CDA: variants seen among roughly 807,000 people sequenced by gnomAD.
CDA encodes cytidine aminohydrolase.
A neutral mutation model predicts 15.0 loss-of-function variants in CDA; 7 were observed. The observed-to-expected ratio is 0.47, with a 90% CI of 0.26 to 0.87. The LOEUF is 0.87. Among genes scored for constraint, CDA ranks in the 40% least tolerant of loss-of-function variants. The probability of loss-of-function intolerance (pLI) is 0.15; values close to 1 mark genes in which losing one functional copy is unlikely to be tolerated. For synonymous variants in CDA, 58 were observed against 73.0 expected (o/e 0.79, Z 1.05); for missense variants, 159 against 182.7 (o/e 0.87, Z 0.75).
At chr1:20,594,090 C>A (rs797018840) in intron 1 of CDA, among the ~76,000 whole-genome samples, 3 of 152,276 alleles carry the variant, frequency 2.0e-5, no homozygotes, top group African/African-American at 7.2e-5. Context: ...ACAGGTCTGC[C>A]CAGGTCTGTG....
intron 1 of CDA, among the ~76,000 whole-genome samples, chr1:20,591,844 T>G (rs12092374): frequency 0.075 from 10,310 of 136,850 alleles, 475 homozygotes; most frequent in East Asian, 0.22. Context: ...TATGGGTTTT[T>G]TTTTGTTTTT....
chr1:20,594,538 G>A (rs985230882), intron 1 of CDA, among the ~76,000 whole-genome samples: 2 of 146,460 alleles, frequency 1.4e-5, no homozygotes, highest in Admixed American at 6.6e-5. Context: ...CTGTAATCCC[G>A]GTGCTTTTGG....
chr1:20,608,300 G>T (rs1384427016), intron 2 of CDA, among the ~76,000 whole-genome samples: 1 of 152,028 alleles, frequency 6.6e-6, no homozygotes, highest in African/African-American at 2.4e-5. Context: ...TCTCATCTGT[G>T]AAATGGAGGA....
At chr1:20,598,229 G>A (rs540070238) in intron 1 of CDA, among the ~76,000 whole-genome samples, 5 of 152,280 alleles carry the variant, frequency 3.3e-5, no homozygotes, top group South Asian at 2.1e-4. Context: ...GGCTCTGCCC[G>A]GTGAGTGGAT....
chr1:20,613,765 T>A (rs488991), intron 2 of CDA, 77 bp from the exon 3 acceptor site: 1,339,025 of 1,345,614 alleles, frequency 1, 666,455 homozygotes, highest in East Asian at 1. Flanking sequence ...ACAGACCGAG[T>A]CTCAGGGCCT....
chr1:20,613,326 C>T (rs1478987647), intron 2 of CDA, among the ~76,000 whole-genome samples: 1 of 152,036 alleles, frequency 6.6e-6, no homozygotes, highest in Non-Finnish European at 1.5e-5. Flanking sequence ...GCCTCAGCCT[C>T]CTGAGTAGCT....
intron 1 of CDA, among the ~76,000 whole-genome samples, chr1:20,590,978 G>A (rs2052543623): frequency 6.6e-6 from 1 of 152,186 alleles, no homozygotes; most frequent in African/African-American, 2.4e-5. Flanking sequence ...CAGGAGGTCA[G>A]ACAGCCTCAT....
intron 1 of CDA, among the ~76,000 whole-genome samples, chr1:20,602,076 A>AT (rs1248466684): frequency 6.8e-6 from 1 of 147,978 alleles, no homozygotes; most frequent in Non-Finnish European, 1.5e-5. Context: ...AGCTATGATC[A>AT]TGCCACTGCA....
At chr1:20,613,817 T>C in intron 2 of CDA, 25 bp from the exon 3 acceptor site, 1 of 1,610,880 alleles carries the variant, frequency 6.2e-7, no homozygotes, top group Middle Eastern at 1.7e-4. Context: ...GAGACTAATT[T>C]GAGTTTGATT....
intron 1 of CDA, among the ~76,000 whole-genome samples, chr1:20,595,565 G>A (rs1024879444): frequency 6.6e-5 from 10 of 152,196 alleles, no homozygotes; most frequent in Admixed American, 2.6e-4. Flanking sequence ...ATCACGCCCC[G>A]TTTCCCGCTG....
intron 1 of CDA, among the ~76,000 whole-genome samples, chr1:20,600,264 T>C (rs1044288172): frequency 7.2e-5 from 11 of 152,156 alleles, no homozygotes; most frequent in Non-Finnish European, 7.3e-5. Flanking sequence ...CATGCATCAC[T>C]TTTGATGGGA....
At chr1:20,603,525 G>GAA (rs1204043684) in intron 1 of CDA, among the ~76,000 whole-genome samples, 3 of 152,194 alleles carry the variant, frequency 2.0e-5, no homozygotes, top group African/African-American at 7.2e-5. Context: ...GTATGATCCA[G>GAA]AAATTTCCCA....
intron 2 of CDA, among the ~76,000 whole-genome samples, chr1:20,605,368 G>T (rs1489708045): frequency 6.6e-6 from 1 of 152,028 alleles, no homozygotes; most frequent in Non-Finnish European, 1.5e-5. Context: ...CATAAAGCGG[G>T]GGGAACCTGA....
intron 3 of CDA, among the ~76,000 whole-genome samples, chr1:20,617,031 T>A (rs1472576828): frequency 6.6e-6 from 1 of 152,156 alleles, no homozygotes; most frequent in African/African-American, 2.4e-5. Context: ...CATCTCTGCA[T>A]CTCAGAATAC....
chr1:20,589,328 G>A (rs747303908), intron 1 of CDA, 45 bp downstream of exon 1: 25 of 1,592,416 alleles, frequency 1.6e-5, no homozygotes, highest in Non-Finnish European at 1.7e-5. Flanking sequence ...CAGCCTGGGT[G>A]GTGGGTCAGA....
At chr1:20,590,768 C>G (rs770459270) in intron 1 of CDA, among the ~76,000 whole-genome samples, 53 of 152,186 alleles carry the variant, frequency 3.5e-4, no homozygotes, top group South Asian at 1.2e-3. Context: ...AACAGGCACT[C>G]AATAACTGTT....
At chr1:20,605,848 A>G (rs2052690977) in intron 2 of CDA, among the ~76,000 whole-genome samples, 1 of 124,388 alleles carries the variant, frequency 8.0e-6, no homozygotes, top group South Asian at 3.1e-4. Context: ...ACAAAAAAGC[A>G]TTGAGAACAG....
chr1:20,593,911 G>A (rs2052569685), intron 1 of CDA, among the ~76,000 whole-genome samples: 1 of 152,152 alleles, frequency 6.6e-6, no homozygotes, highest in Admixed American at 6.5e-5. Context: ...TAGGAAGTGA[G>A]GCCAGGTGCA....
At chr1:20,616,977 T>C (rs2052818975) in intron 3 of CDA, among the ~76,000 whole-genome samples, 1 of 152,208 alleles carries the variant, frequency 6.6e-6, no homozygotes, top group African/African-American at 2.4e-5. Context: ...ATGGCATCTA[T>C]TAATTGAACA....
Sources: gnomAD v4.1 joint callset for allele counts (sites outside exome capture counted in the v4.1 genomes callset) on GRCh38, gnomAD v4.1.1 for gene constraint, MANE v1.5 for transcripts, NCBI Gene and HGNC (gene_info 2026-07-23, HGNC 2026-07-21) for gene names.